Variants in CSF1 observed in about 807,000 individuals in gnomAD.
The protein encoded by CSF1 is colony stimulating factor 1, also known as macrophage colony-stimulating factor 1.
CSF1 carries 9 observed loss-of-function variants against 48.9 expected under a neutral mutation model. The ratio of observed to expected loss-of-function variants is 0.18; its 90% CI spans 0.11 to 0.32. CSF1 has a LOEUF of 0.32. Among genes scored for constraint, CSF1 ranks in the 10% least tolerant of loss-of-function variants. The pLI is 1.00. For synonymous variants in CSF1, 305 were observed against 284.1 expected (o/e 1.07, Z -0.74); for missense variants, 672 against 697.9 (o/e 0.96, Z 0.42).
intron 1 of CSF1, 96 bp downstream of exon 1, chr1:109,911,158 G>A: frequency 8.8e-6 from 7 of 797,988 alleles, no homozygotes; most frequent in Non-Finnish European, 1.1e-5. Context: ...GACAGCCTGG[G>A]CGCGCCGGCT....
chr1:109,917,443 G>T lies in CSF1; in HGVS notation c.376G>T (p.Asp126Tyr). The T allele has an allele frequency of 6.2e-7, 1 of 1,614,154 alleles. No homozygotes were observed. The highest frequency in any genetic ancestry group is 8.5e-7 in the Non-Finnish European group (1 of 1,180,034). The change falls in exon 4 of 9, where the codon GAT (aspartate) becomes TAT (tyrosine). Residue 126 changes from aspartate to tyrosine, a missense_variant. Physicochemically the swap from Asp to Tyr is radical, Grantham distance 160. This residue lies in a region of CSF1 where 591 missense variants were observed against 593.6 expected (regional missense o/e 1.00). Transcript: ENST00000329608. ...GAGGCTGAAGAGCTGCTTCACCAAG[G>T]ATTATGAAGAGCATGACAAGGTAGG... ...SLRLKSCFTK[D>Y]YEEHDKACVR...
intron 1 of CSF1, among the ~76,000 whole-genome samples, chr1:109,911,386 C>T (rs1278192209): frequency 1.3e-5 from 2 of 152,230 alleles, no homozygotes; most frequent in African/African-American, 2.4e-5. Flanking sequence ...TCTCTCCCTA[C>T]CCGCCACCAC....
At position 109,930,039 on chromosome 1, in the gene CSF1, G is replaced by C. The variant is rs377127403; in HGVS notation, c.*1201G>C. 76 of 152,454 alleles carry C rather than the reference G, an allele frequency of 5.0e-4. 1 individual carries two copies. Among genetic ancestry groups the C allele is most frequent in the African/African-American group, 1.8e-3 (75 of 41,568 alleles). 9.4% of individuals were successfully genotyped at this position (152,454 alleles called of 1,614,324 possible). ...TATAGGTATGCACCTGAGGTTGGGGGAGGGTCTGCACTCCCAAACCCCAGC... is the reference window on the plus strand; with the variant it reads ...TATAGGTATGCACCTGAGGTTGGGGCAGGGTCTGCACTCCCAAACCCCAGC... On this transcript the variant is annotated 3_prime_UTR_variant, in exon 9 of 9. Transcript: ENST00000329608.
At position 109,914,170 on chromosome 1, in the gene CSF1, T is replaced by A. The variant is rs922111487; in HGVS notation, c.40-89T>A. Reference sequence around the variant, plus strand: ...GGCAGAGCCTGTAGCATTGTAGATATGAGGCCTTTGTTTTTCTGCGTTGAG... The same window carrying A: ...GGCAGAGCCTGTAGCATTGTAGATAAGAGGCCTTTGTTTTTCTGCGTTGAG... On this transcript the variant is annotated intron_variant, in intron 1 of 8. Coordinates refer to ENST00000329608, the MANE Select transcript of CSF1 (RefSeq NM_000757.6). 6 of 1,389,850 alleles carry A rather than the reference T, an allele frequency of 4.3e-6. No homozygotes were observed. In the African/African-American group the frequency reaches 8.8e-5, roughly 20 times the overall value. 86.1% of individuals were successfully genotyped at this position (1,389,850 alleles called of 1,614,324 possible).
chr1:109,913,072 TCTC>T (rs1421723415), intron 1 of CSF1, among the ~76,000 whole-genome samples: 2 of 152,232 alleles, frequency 1.3e-5, no homozygotes, highest in Non-Finnish European at 1.5e-5. Context: ...AGAGCTGCCT[TCTC>T]CTCCCCAGAA....
intron 7 of CSF1, 53 bp from the exon 8 acceptor site, chr1:109,925,094 T>G: frequency 6.5e-7 from 1 of 1,540,204 alleles, no homozygotes; most frequent in Non-Finnish European, 9.0e-7. Flanking sequence ...CGGAGTCCCC[T>G]TATTCCCCTG....
intron 1 of CSF1, among the ~76,000 whole-genome samples, chr1:109,912,833 C>T (rs893021738): frequency 6.6e-6 from 1 of 152,158 alleles, no homozygotes; most frequent in African/African-American, 2.4e-5. Flanking sequence ...GGCAACCTCC[C>T]CAACAGAGCC....
rs576127753 is a variant in CSF1 at position 109,924,185 on chromosome 1, C to T, written c.1564C>T (p.Arg522Trp). The part of the protein sequence containing the change: ...VGGLLFYRWR[R>W]RSHQEPQRAD... ...AGGCCTCTTGTTCTACAGGTGGAGG[C>T]GGCGGGTGAGTAGATCCCCATGAGG... is the stretch of plus-strand genomic sequence containing the variant. The change falls in exon 6 of 9, where the codon CGG (arginine) becomes TGG (tryptophan). Residue 522 changes from arginine to tryptophan, a missense_variant. Arg to Trp is a moderately radical substitution (Grantham distance 101). Transcript: ENST00000329608. The T allele has an allele frequency of 2.7e-5, 43 of 1,605,334 alleles. No individual in the cohort carries two copies. The East Asian group carries it at 5.4e-4, about 20-fold the overall frequency.
intron 1 of CSF1, among the ~76,000 whole-genome samples, chr1:109,913,075 C>T (rs1042629676): frequency 6.6e-6 from 1 of 152,248 alleles, no homozygotes; most frequent in Non-Finnish European, 1.5e-5. Context: ...GCTGCCTTCT[C>T]CTCCCCAGAA....
At chr1:109,917,190 CT>C in intron 3 of CSF1, 102 bp from the exon 4 acceptor site, 1 of 1,294,106 alleles carries the variant, frequency 7.7e-7, no homozygotes, top group Non-Finnish European at 1.1e-6. Context: ...GGTCCCTCCC[CT>C]GGGGGAAGGG....
At chr1:109,912,055 A>T (rs1159130934) in intron 1 of CSF1, among the ~76,000 whole-genome samples, 2 of 152,030 alleles carry the variant, frequency 1.3e-5, no homozygotes, top group Non-Finnish European at 2.9e-5. Flanking sequence ...GCTGCAGGTG[A>T]GGTGAGAGAG....
chr1:109,921,065 C>A (rs1332612059), intron 4 of CSF1, among the ~76,000 whole-genome samples: 2 of 152,154 alleles, frequency 1.3e-5, no homozygotes, highest in African/African-American at 4.8e-5. Context: ...ATATGCCTGG[C>A]GGCTGCCCCG....
chr1:109,923,997 C>G lies in CSF1; in HGVS notation c.1376C>G (p.Pro459Arg). 1.2e-6 allele frequency: 2 copies of G among 1,614,176 alleles called. No individual in the cohort carries two copies. Among genetic ancestry groups the G allele is most frequent in the East Asian group, 2.2e-5 (1 of 44,856 alleles). The change falls in exon 6 of 9, where the codon CCA becomes CGA. Residue 459 changes from proline (P) to arginine (R), a missense_variant. Coordinates refer to ENST00000329608, the MANE Select transcript of CSF1 (RefSeq NM_000757.6). Reference sequence around the variant, plus strand: ...AGCCCCGCAGAGCCAGAAGGAGGACCAGCAAGTGAAGGGGCAGCCAGGCCC... The same window carrying G: ...AGCCCCGCAGAGCCAGAAGGAGGACGAGCAAGTGAAGGGGCAGCCAGGCCC... The part of the protein sequence containing the change: ...RRSPAEPEGG[P>R]ASEGAARPLP...
chr1:109,927,888 G>A (rs779648019), intron 8 of CSF1, among the ~76,000 whole-genome samples: 9 of 152,322 alleles, frequency 5.9e-5, no homozygotes, highest in Admixed American at 1.3e-4. Context: ...GCTGGAACTC[G>A]CTCACTGGGT....
chr1:109,924,613 C>G (rs1647753569), intron 6 of CSF1, among the ~76,000 whole-genome samples, 163 bp from the exon 7 acceptor site: 1 of 152,128 alleles, frequency 6.6e-6, no homozygotes, highest in Non-Finnish European at 1.5e-5. Context: ...GCAGAGAGAC[C>G]TCACAAATCT....
intron 8 of CSF1, among the ~76,000 whole-genome samples, chr1:109,927,557 C>A (rs1272183706): frequency 1.3e-5 from 2 of 152,130 alleles, no homozygotes; most frequent in Non-Finnish European, 2.9e-5. Context: ...TACACGCCCA[C>A]CCTCCTTTCC....
chr1:109,922,071 T>G, intron 5 of CSF1, 77 bp downstream of exon 5: 1 of 1,499,652 alleles, frequency 6.7e-7, no homozygotes, highest in East Asian at 2.3e-5. Context: ...GATGTGAAGC[T>G]GGGGGGACCC....
chr1:109,914,272 C>T lies in CSF1; in HGVS notation c.53C>T (p.Ser18Phe). 6.2e-7 allele frequency: 1 copy of T among 1,605,418 alleles called. No individual in the cohort carries two copies. The highest frequency in any genetic ancestry group is 8.5e-7 in the Non-Finnish European group (1 of 1,175,588). ...GRCPPTTWLG[S>F]LLLLVCLLAS... Reference sequence around the variant, plus strand: ...TCTCTGTCACAGACATGGCTGGGCTCCCTGCTGTTGTTGGTCTGTCTCCTG... The same window carrying T: ...TCTCTGTCACAGACATGGCTGGGCTTCCTGCTGTTGTTGGTCTGTCTCCTG... Residue 18 changes from serine to phenylalanine, a missense_variant, in exon 2 of 9, where the codon TCC becomes TTC. Around this residue, in one of 3 missense-constraint regions of CSF1, gnomAD observed 53 missense variants for 45.5 expected, o/e 1.17. Transcript: ENST00000329608.
At chr1:109,919,760 A>G (rs145167764) in intron 4 of CSF1, among the ~76,000 whole-genome samples, 7,612 of 150,634 alleles carry the variant, frequency 0.051, 378 homozygotes, top group East Asian at 0.15. Context: ...GGAGTTCAAG[A>G]CCAGCCTGCC....
Sources: gnomAD v4.1 joint callset for allele counts (sites outside exome capture counted in the v4.1 genomes callset) on GRCh38, gnomAD v4.1.1 for gene constraint, gnomAD v4.1.1 regional missense constraint, MANE v1.5 for transcripts, NCBI Gene and HGNC (gene_info 2026-07-23, HGNC 2026-07-21) for gene names.